EPHA5: variants seen among roughly 807,000 people sequenced by gnomAD.
EPHA5 encodes the protein EPH receptor A5.
In EPHA5, 60 loss-of-function variants were observed where a neutral mutation model predicts 105.0. The observed-to-expected ratio is 0.57, with a 90% CI of 0.46 to 0.71. EPHA5 has a LOEUF of 0.71. Ranked by LOEUF, EPHA5 falls within the 30% of genes least tolerant of loss-of-function variation. EPHA5 has a pLI of 0.00. For missense variants in EPHA5, 1,218 were observed against 1,274.7 expected (o/e 0.96, Z 0.68); for synonymous variants, 513 against 449.1 (o/e 1.14, Z -1.80).
intron 1 of EPHA5, among the ~76,000 whole-genome samples, chr4:65,649,849 C>T (rs1408809889): frequency 6.6e-6 from 1 of 152,114 alleles, no homozygotes; most frequent in Non-Finnish European, 1.5e-5. Flanking sequence ...TCAGTGACAA[C>T]AGATTTCTGT....
At chr4:65,483,093 G>A (rs1014021736) in intron 5 of EPHA5, among the ~76,000 whole-genome samples, 3 of 152,058 alleles carry the variant, frequency 2.0e-5, no homozygotes, top group Non-Finnish European at 4.4e-5. Context: ...TCCCACCTAT[G>A]AGTGAGAACA....
At chr4:65,650,394 A>C (rs1259138383) in intron 1 of EPHA5, among the ~76,000 whole-genome samples, 8 of 9,784 alleles carry the variant, frequency 8.2e-4, no homozygotes, top group South Asian at 3.0e-3. Context: ...AAACATACAA[A>C]AAAAAAAAAA....
intron 16 of EPHA5, 22 bp from the exon 17 acceptor site, chr4:65,324,241 T>C (rs775913722): frequency 7.2e-6 from 11 of 1,536,938 alleles, no homozygotes; most frequent in Middle Eastern, 1.7e-4. Context: ...AAGCACACAT[T>C]GGATGTATTG....
chr4:65,505,188 C>T (rs1432958513), intron 3 of EPHA5, among the ~76,000 whole-genome samples: 1 of 151,978 alleles, frequency 6.6e-6, no homozygotes, highest in Non-Finnish European at 1.5e-5. Flanking sequence ...CACTAAAAGA[C>T]TAGGAAAAGT....
intron 3 of EPHA5, among the ~76,000 whole-genome samples, chr4:65,515,759 A>T (rs759826432): frequency 2.0e-4 from 30 of 152,138 alleles, no homozygotes; most frequent in Non-Finnish European, 4.1e-4. Flanking sequence ...AACATTACTT[A>T]TGAGTGTGTC....
intron 3 of EPHA5, among the ~76,000 whole-genome samples, chr4:65,555,105 C>T (rs2149346646): frequency 6.6e-6 from 1 of 150,670 alleles, no homozygotes; most frequent in South Asian, 2.1e-4. Flanking sequence ...AATTCATTTC[C>T]ACTATACCAA....
chr4:65,599,070 T>G (rs1206638773), intron 3 of EPHA5, among the ~76,000 whole-genome samples: 1 of 152,092 alleles, frequency 6.6e-6, no homozygotes, highest in Non-Finnish European at 1.5e-5. Flanking sequence ...ATAAAGTCAT[T>G]CATTAAATTT....
At chr4:65,385,880 C>A in intron 8 of EPHA5, among the ~76,000 whole-genome samples, 1 of 151,688 alleles carries the variant, frequency 6.6e-6, no homozygotes, top group African/African-American at 2.4e-5. Context: ...TGATAAAAAT[C>A]AGACAGATTA....
intron 11 of EPHA5, among the ~76,000 whole-genome samples, chr4:65,362,301 C>T (rs1202362743): frequency 2.6e-5 from 4 of 151,590 alleles, no homozygotes; most frequent in African/African-American, 4.8e-5. Flanking sequence ...GTCTCATTAT[C>T]TGTGTGCTGC....
At chr4:65,404,267 T>C in intron 8 of EPHA5, 107 bp downstream of exon 8, 3 of 764,908 alleles carry the variant, frequency 3.9e-6, no homozygotes, top group South Asian at 1.5e-5. Flanking sequence ...TCTGCTGATA[T>C]ATTGCTTGCC....
Position 65,365,980 on chromosome 4 carries a change from T to C in EPHA5, c.1939A>G (p.Lys647Glu). ...GTGATACATGATGCTTCTATCTCCT[T>C]AGCAAATTCGTGGACAGCTTGATTG... ...DPNQAVHEFAKEIEASCITIE... is the reference protein window; with the variant it reads ...DPNQAVHEFAEEIEASCITIE... Residue 647 changes from lysine (K) to glutamate (E), a missense_variant, in exon 10 of 17, where the codon AAG becomes GAG. This residue lies in a region of EPHA5 where 971 missense variants were observed against 1,013.5 expected (regional missense o/e 0.96). Coordinates refer to ENST00000613740, the MANE Select transcript of EPHA5 (RefSeq NM_001281766.3). The C allele has an allele frequency of 6.2e-7, 1 of 1,609,810 alleles. No homozygotes were observed. Among genetic ancestry groups the C allele is most frequent in the Non-Finnish European group, 8.5e-7 (1 of 1,176,986 alleles).
intron 3 of EPHA5, among the ~76,000 whole-genome samples, chr4:65,546,641 T>G (rs890797210): frequency 3.3e-5 from 5 of 152,048 alleles, no homozygotes; most frequent in African/African-American, 1.2e-4. Context: ...TTGCTCAAAG[T>G]TAGCAATTAA....
intron 3 of EPHA5, among the ~76,000 whole-genome samples, chr4:65,570,075 A>C (rs1438830641): frequency 6.6e-6 from 1 of 151,704 alleles, no homozygotes; most frequent in Middle Eastern, 3.2e-3. Context: ...AGATGAGAAA[A>C]GAAGCTAGAT....
intron 1 of EPHA5, among the ~76,000 whole-genome samples, chr4:65,645,868 C>A (rs887919858): frequency 4.6e-5 from 7 of 151,958 alleles, no homozygotes; most frequent in Non-Finnish European, 8.8e-5. Context: ...AATTGTGGTC[C>A]TTCTGGAAAC....
At chr4:65,495,091 G>A (rs1731791692) in intron 4 of EPHA5, among the ~76,000 whole-genome samples, 1 of 152,066 alleles carries the variant, frequency 6.6e-6, no homozygotes, top group Admixed American at 6.6e-5. Context: ...GTCATGTTTA[G>A]CTAGCATGAA....
chr4:65,532,260 G>A (rs2149304535), intron 3 of EPHA5, among the ~76,000 whole-genome samples: 1 of 152,120 alleles, frequency 6.6e-6, no homozygotes, highest in South Asian at 2.1e-4. Flanking sequence ...GGAATTTAAT[G>A]TGACTTTTAA....
intron 2 of EPHA5, among the ~76,000 whole-genome samples, chr4:65,610,153 T>C (rs1744629555): frequency 1.3e-5 from 2 of 152,064 alleles, no homozygotes; most frequent in South Asian, 4.1e-4. Flanking sequence ...TAGTCTATAT[T>C]GGAATAGTCT....
Position 65,667,072 on chromosome 4 carries a change from T to G in EPHA5, c.181+2490A>C, listed in dbSNP as rs375480184. ...ATATGAGAAAAAGTGATTAATGAGT[T>G]CAGCATATACATGAAATCTTTCTGC... On this transcript the variant is annotated intron_variant, in intron 1 of 16. Coordinates refer to ENST00000613740, the MANE Select transcript of EPHA5 (RefSeq NM_001281766.3). Among the ~76,000 whole-genome samples the G allele has an allele frequency of 9.2e-5, 14 of 152,270 alleles. 2 individuals are homozygous for G. The South Asian group carries it at 2.7e-3, about 29-fold the overall frequency.
At chr4:65,651,772 AATC>A (rs372531656) in intron 1 of EPHA5, among the ~76,000 whole-genome samples, 32 of 152,304 alleles carry the variant, frequency 2.1e-4, no homozygotes, top group African/African-American at 7.5e-4. Context: ...TGGAAGCAAA[AATC>A]AATCCGAAAT....
Sources: gnomAD v4.1 joint callset for allele counts (sites outside exome capture counted in the v4.1 genomes callset) on GRCh38, gnomAD v4.1.1 for gene constraint, gnomAD v4.1.1 regional missense constraint, MANE v1.5 for transcripts, NCBI Gene and HGNC (gene_info 2026-07-23, HGNC 2026-07-21) for gene names.